The following SNX29 variants were observed in gnomAD, a reference collection of about 807,000 sequenced individuals.
SNX29 encodes the protein sorting nexin-29.
SNX29 carries 78 observed loss-of-function variants against 102.1 expected under a neutral mutation model. The observed-to-expected ratio is 0.76, with a 90% confidence interval of 0.64 to 0.92. SNX29 has a LOEUF of 0.92. SNX29 is among the 40% of genes least tolerant of loss of function. The pLI, the probability that SNX29 is intolerant of heterozygous loss-of-function variation, is 0.00. For missense variants in SNX29, 1,280 were observed against 1,061.7 expected, an observed-to-expected ratio of 1.21 and a Z score of -2.86; for synonymous variants, 580 against 414.5, an observed-to-expected ratio of 1.40 and a Z score of -4.85.
At chr16:12,566,499 C>A (rs932906582) in intron 20 of SNX29, among the ~76,000 whole-genome samples, 11 of 152,174 alleles carry the variant, frequency 7.2e-5, no homozygotes, top group African/African-American at 2.7e-4. Context: ...TGGTTGCAGG[C>A]TAAGTGGCTG....
intron 15 of SNX29, 115 bp from the exon 16 acceptor site, chr16:12,356,048 A>T: frequency 3.4e-6 from 3 of 889,908 alleles, no homozygotes; most frequent in Non-Finnish European, 5.2e-6. Context: ...CTCCAGCCCC[A>T]ACAGCCTACA....
Position 12,505,031 on chromosome 16 carries a change from A to G in SNX29, c.2179-19671A>G, listed in dbSNP as rs571147113. ...TGGCTCATACTCCTGGGACCTTGGG[A>G]GGCCAAGACGGGACGATCACTTGAG... On this transcript the variant is annotated intron_variant, in intron 19 of 20. Transcript: ENST00000566228. Among the ~76,000 whole-genome samples, 6 of 152,274 alleles carry G rather than the reference A, an allele frequency of 3.9e-5. 1 individual carries two copies. The South Asian group carries it at 1.2e-3, about 32-fold the overall frequency.
At chr16:12,449,577 G>T (rs967846250) in intron 18 of SNX29, among the ~76,000 whole-genome samples, 1 of 152,178 alleles carries the variant, frequency 6.6e-6, no homozygotes, top group African/African-American at 2.4e-5. Flanking sequence ...GCAGGCACGG[G>T]TTGATCAGGG....
At chr16:12,107,339 T>C (rs79854258) in intron 11 of SNX29, among the ~76,000 whole-genome samples, 1 of 71,514 alleles carries the variant, frequency 1.4e-5, no homozygotes, top group African/African-American at 5.4e-5. Flanking sequence ...GCACTGTGGG[T>C]TTTTTTTTTT....
intron 20 of SNX29, among the ~76,000 whole-genome samples, chr16:12,548,778 CCA>C (rs1303446545): frequency 1.3e-5 from 2 of 152,208 alleles, no homozygotes; most frequent in African/African-American, 2.4e-5. Context: ...CCCCCAGCCA[CCA>C]CAGTGCTGGG....
intron 13 of SNX29, among the ~76,000 whole-genome samples, chr16:12,148,547 A>T (rs1350317097): frequency 6.6e-6 from 1 of 152,104 alleles, no homozygotes; most frequent in South Asian, 2.1e-4. Context: ...CCTCCCCTGC[A>T]TGATTAGTCC....
At chr16:12,435,775 C>T (rs940528562) in intron 18 of SNX29, among the ~76,000 whole-genome samples, 2 of 152,150 alleles carry the variant, frequency 1.3e-5, no homozygotes, top group African/African-American at 2.4e-5. Context: ...TGCAGCAGAG[C>T]CAGCCACTCC....
At chr16:12,542,072 A>T (rs2077367445) in intron 20 of SNX29, among the ~76,000 whole-genome samples, 12 of 152,072 alleles carry the variant, frequency 7.9e-5, no homozygotes. Flanking sequence ...GTCACCAGTT[A>T]GTCCAAATCC....
In SNX29 at chr16:12,308,751, G is replaced by C. The variant is rs556189572; in HGVS notation, c.1782+30715G>C. Reference sequence around the variant, plus strand: ...GTACAAATTAAACACGAGTCCATCAGTTTCTCAGCTGGAGAGTCTTGACAA... The same window carrying C: ...GTACAAATTAAACACGAGTCCATCACTTTCTCAGCTGGAGAGTCTTGACAA... On this transcript the variant is annotated intron_variant, in intron 15 of 20. Coordinates refer to ENST00000566228, the MANE Select transcript of SNX29 (RefSeq NM_032167.5). 2.0e-5 allele frequency among the ~76,000 whole-genome samples: 3 copies of C among 152,232 alleles called. No homozygotes were observed. The South Asian group carries it at 6.2e-4, about 32-fold the overall frequency.
chr16:12,068,869 G>A (rs2051161436), intron 9 of SNX29, among the ~76,000 whole-genome samples, 188 bp from the exon 10 acceptor site: 1 of 152,194 alleles, frequency 6.6e-6, no homozygotes, highest in African/African-American at 2.4e-5. Context: ...AGTGACTGAT[G>A]CCAAGTCTGA....
At chr16:12,430,137 T>C (rs2085251568) in intron 18 of SNX29, among the ~76,000 whole-genome samples, 2 of 152,198 alleles carry the variant, frequency 1.3e-5, no homozygotes, top group Non-Finnish European at 2.9e-5. Flanking sequence ...TCATGCTCCT[T>C]ATGAGAATCT....
intron 18 of SNX29, among the ~76,000 whole-genome samples, chr16:12,456,018 A>G (rs1039750646): frequency 2.6e-5 from 4 of 152,172 alleles, no homozygotes; most frequent in East Asian, 1.9e-4. Flanking sequence ...TAAAGGTACA[A>G]TTGCAAGTAA....
intron 3 of SNX29, among the ~76,000 whole-genome samples, chr16:12,010,189 T>G (rs904039153): frequency 5.3e-5 from 8 of 152,216 alleles, no homozygotes; most frequent in Non-Finnish European, 1.0e-4. Context: ...CAGTAATTGT[T>G]AGCTGTTGTG....
intron 1 of SNX29, among the ~76,000 whole-genome samples, chr16:11,995,790 G>T: frequency 6.6e-6 from 1 of 152,042 alleles, no homozygotes; most frequent in Admixed American, 6.6e-5. Context: ...GGCAGGGCAC[G>T]GTGGCTCACA....
chr16:12,549,328 C>G (rs1176316979), intron 20 of SNX29, among the ~76,000 whole-genome samples: 1 of 152,156 alleles, frequency 6.6e-6, no homozygotes, highest in African/African-American at 2.4e-5. Flanking sequence ...AACCCCATGT[C>G]TACCAAAAAT....
At chr16:12,477,342 A>G (rs1483914972) in intron 18 of SNX29, among the ~76,000 whole-genome samples, 1 of 152,166 alleles carries the variant, frequency 6.6e-6, no homozygotes, top group Non-Finnish European at 1.5e-5. Context: ...GCTCTGTTTT[A>G]CAGATGAGGA....
intron 13 of SNX29, among the ~76,000 whole-genome samples, chr16:12,134,242 T>A (rs2054577224): frequency 1.3e-5 from 2 of 152,244 alleles, no homozygotes; most frequent in African/African-American, 4.8e-5. Context: ...CCAATTCTTG[T>A]CATCGTATTA....
At chr16:12,492,834 T>C (rs1280090302) in intron 19 of SNX29, among the ~76,000 whole-genome samples, 1 of 152,218 alleles carries the variant, frequency 6.6e-6, no homozygotes, top group African/African-American at 2.4e-5. Context: ...AAAGATCAGA[T>C]GGTTGTAGAT....
In SNX29 at chr16:12,569,772, C is replaced by T. The variant is rs949833945; in HGVS notation, c.*1143C>T. The T allele has an allele frequency of 4.3e-6, 1 of 230,578 alleles. No individual in the cohort carries two copies. The highest frequency in any genetic ancestry group is 8.6e-6 in the Non-Finnish European group (1 of 116,328). 14.3% of individuals were successfully genotyped at this position (230,578 alleles called of 1,614,324 possible). On this transcript the variant is annotated 3_prime_UTR_variant, in exon 21 of 21. Coordinates refer to ENST00000566228, the MANE Select transcript of SNX29 (RefSeq NM_032167.5). ...CCAGTGAGCTCACATCAGAGCACCTCACAGAGCAATAGCCGTCCTCAGATG... is the reference window on the plus strand; with the variant it reads ...CCAGTGAGCTCACATCAGAGCACCTTACAGAGCAATAGCCGTCCTCAGATG...
Sources: allele counts gnomAD v4.1 joint callset (sites outside exome capture counted in the v4.1 genomes callset), GRCh38; gene constraint gnomAD v4.1.1; transcripts MANE v1.5; gene names NCBI Gene and HGNC (gene_info 2026-07-23, HGNC 2026-07-21).